The following KANTR variants were observed in gnomAD, a reference collection of about 807,000 sequenced individuals.
The protein encoded by KANTR is KANTR integral membrane protein.
chrX:53,108,382 A>G (rs1394433257), intron 2 of KANTR, among the ~76,000 whole-genome samples: 1 of 107,542 alleles, frequency 9.3e-6, no homozygotes, highest in East Asian at 3.0e-4. Flanking sequence ...TTGTATTTTT[A>G]GTAGCCATGG....
At chrX:53,132,301 T>C (rs1933368832), downstream of KANTR, among the ~76,000 whole-genome samples, 1 of 111,514 alleles carries the variant, frequency 9.0e-6, no homozygotes, top group Admixed American at 9.5e-5. Context: ...GTAGAAACCC[T>C]GGGTAGGGTT....
intron 2 of KANTR, among the ~76,000 whole-genome samples, chrX:53,112,409 G>C (rs1452185200): frequency 2.7e-5 from 3 of 112,157 alleles, no homozygotes; most frequent in African/African-American, 9.7e-5. Flanking sequence ...TGTTTTTGCA[G>C]GTGTGAATTG....
At chrX:53,129,065 CTTTTTT>C (rs10550250), downstream of KANTR, among the ~76,000 whole-genome samples, 1 of 55,488 alleles carries the variant, frequency 1.8e-5, no homozygotes, top group Non-Finnish European at 3.6e-5. Context: ...TCTTCTTCTT[CTTTTTT>C]TTTTTTTTTT....
At chrX:53,146,631 G>T (rs782329517), downstream of KANTR, among the ~76,000 whole-genome samples, 386 of 109,363 alleles carry the variant, frequency 3.5e-3, 1 homozygote, top group Non-Finnish European at 6.3e-3. Context: ...CACCACAAAG[G>T]TACTCCTCGA....
At chrX:53,132,683 T>C (rs1481203904) in intron 2 of KANTR, among the ~76,000 whole-genome samples, 2 of 111,284 alleles carry the variant, frequency 1.8e-5, no homozygotes, top group African/African-American at 6.5e-5. Context: ...GAAATTCTCA[T>C]ACAGGTCCAT....
exon 3 of KANTR, chrX:53,124,619 T>C (rs1457162253): frequency 3.4e-6 from 1 of 291,233 alleles, no homozygotes; most frequent in Non-Finnish European, 6.0e-6. Flanking sequence ...TATGTAGTAT[T>C]TTCATTATTG....
chrX:53,143,445 C>A (rs1933531475), downstream of KANTR: 2 of 600,744 alleles, frequency 3.3e-6, no homozygotes, highest in Non-Finnish European at 5.7e-6. Context: ...GTGGCCCTGT[C>A]TCCAGAGTCC....
At chrX:53,122,492 C>T (rs1933239743) in intron 2 of KANTR, among the ~76,000 whole-genome samples, 1 of 111,316 alleles carries the variant, frequency 9.0e-6, no homozygotes, top group South Asian at 3.8e-4. Flanking sequence ...TGACAGCATG[C>T]ATCTGTGTCT....
chrX:53,101,495 C>T (rs1255655879), intron 2 of KANTR, among the ~76,000 whole-genome samples: 3 of 111,810 alleles, frequency 2.7e-5, no homozygotes, highest in African/African-American at 6.5e-5. Context: ...TCCTTTGACT[C>T]GAATACTTAG....
chrX:53,119,259 G>T (rs1293309211), intron 2 of KANTR, among the ~76,000 whole-genome samples: 1 of 110,045 alleles, frequency 9.1e-6, no homozygotes, highest in African/African-American at 3.3e-5. Flanking sequence ...TAGAGACAGG[G>T]TCTCCCTGTT....
chrX:53,146,144 A>T (rs1213366997), downstream of KANTR, among the ~76,000 whole-genome samples: 1 of 112,473 alleles, frequency 8.9e-6, no homozygotes, highest in African/African-American at 3.2e-5. Context: ...ACAAAGCTGG[A>T]TGGAGAATGA....
chrX:53,120,783 G>A (rs782062049), intron 2 of KANTR, among the ~76,000 whole-genome samples: 1 of 110,828 alleles, frequency 9.0e-6, no homozygotes, highest in South Asian at 3.8e-4. Context: ...GTGCAGTGGC[G>A]TGATCTCGGC....
intron 1 of KANTR, 151 bp downstream of exon 1, chrX:53,094,435 G>A (rs1932832188): frequency 8.9e-6 from 1 of 112,036 alleles, no homozygotes; most frequent in South Asian, 3.7e-4. Context: ...GGGTCGCAAA[G>A]GGAAGCCGAG....
At chrX:53,106,881 G>T (rs942947107) in intron 2 of KANTR, among the ~76,000 whole-genome samples, 1 of 110,323 alleles carries the variant, frequency 9.1e-6, no homozygotes, top group African/African-American at 3.4e-5. Flanking sequence ...TACTAGAGAG[G>T]CTGAAGCAGG....
chrX:53,137,871 T>C (rs1933447698), intron 2 of KANTR, among the ~76,000 whole-genome samples: 1 of 111,108 alleles, frequency 9.0e-6, no homozygotes, highest in African/African-American at 3.3e-5. Context: ...TTGACAGAGT[T>C]TCGCCACCGT....
At chrX:53,132,125 ACATT>A (rs1211910209), downstream of KANTR, among the ~76,000 whole-genome samples, 2 of 112,350 alleles carry the variant, frequency 1.8e-5, no homozygotes, top group Non-Finnish European at 3.8e-5. Flanking sequence ...TCAATGAAAA[ACATT>A]CATAGGTTGG....
intron 2 of KANTR, among the ~76,000 whole-genome samples, chrX:53,116,513 A>T (rs1933126015): frequency 8.9e-6 from 1 of 111,803 alleles, no homozygotes; most frequent in African/African-American, 3.3e-5. Flanking sequence ...TTTCCTGTAA[A>T]ATTCTCTAAG....
intron 2 of KANTR, among the ~76,000 whole-genome samples, chrX:53,100,670 C>T (rs1375253077): frequency 1.9e-5 from 2 of 107,930 alleles, no homozygotes; most frequent in Non-Finnish European, 1.9e-5. Flanking sequence ...TGGTGGCGGG[C>T]ACCTGTAATC....
chrX:53,107,354 G>A (rs1278481627), intron 2 of KANTR, among the ~76,000 whole-genome samples: 3 of 78,063 alleles, frequency 3.8e-5, no homozygotes, highest in African/African-American at 1.5e-4. Flanking sequence ...TGTAGCCCAG[G>A]CTGATATCAA....
Sources: gnomAD v4.1 joint callset for allele counts (sites outside exome capture counted in the v4.1 genomes callset) on GRCh38, gnomAD v4.1.1 for gene constraint, MANE v1.5 for transcripts, NCBI Gene and HGNC (gene_info 2026-07-23, HGNC 2026-07-21) for gene names.